The following CNBP variants were observed in gnomAD, a reference collection of about 807,000 sequenced individuals.
CNBP encodes the protein cellular nucleic acid-binding protein.
Under a neutral mutation model 21.2 loss-of-function variants are expected in CNBP, and 6 were observed. The observed-to-expected ratio is 0.28, with a 90% CI of 0.16 to 0.56. The LOEUF (loss-of-function observed/expected upper bound fraction) is 0.56, where lower values mean the gene tolerates loss of function less well. CNBP is among the 20% of genes least tolerant of loss of function. The pLI is 0.93. For missense variants in CNBP, 112 were observed against 233.1 expected, an observed-to-expected ratio of 0.48 and a Z score of 3.38; for synonymous variants, 61 against 74.9, an observed-to-expected ratio of 0.81 and a Z score of 0.96.
At chr3:129,178,790 T>C (rs1045964655) in intron 1 of CNBP, among the ~76,000 whole-genome samples, 1 of 151,746 alleles carries the variant, frequency 6.6e-6, no homozygotes, top group Non-Finnish European at 1.5e-5. Context: ...TCGCCCAGGC[T>C]GGAGTGCAGT....
In CNBP at chr3:129,171,674, T is replaced by C. The variant is rs1317906274; in HGVS notation, c.84A>G (p.Gly28=). 1.9e-6 allele frequency: 3 copies of C among 1,614,042 alleles called. No individual in the cohort carries two copies. The African/African-American group carries it at 4.0e-5, about 22-fold the overall frequency. ...ECPTGGGRGR[G]MRSRGRGGFT... ...AACCACCTCTGCCACGGCTTCTCAT[T>C]CCACGACCACGGCCTCCACCAGTAG... is the stretch of plus-strand genomic sequence containing the variant. Residue 28 remains glycine (G), a synonymous_variant, in exon 2 of 5, where the codon GGA becomes GGG. Coordinates refer to ENST00000422453, the MANE Select transcript of CNBP (RefSeq NM_003418.5).
Position 129,168,197 on chromosome 3 carries a change from G to A in CNBP, c.*2256C>T, listed in dbSNP as rs180737447. On this transcript the variant is annotated 3_prime_UTR_variant, in exon 5 of 5. Transcript: ENST00000422453. ...GCATGGGGAGTGAATAATGGTTGAA[G>A]TTCCAGGCTCTAACTGTACATCCTT... is the stretch of plus-strand genomic sequence containing the variant. 3.3e-4 allele frequency among the ~76,000 whole-genome samples: 50 copies of A among 152,294 alleles called. No homozygotes were observed. Among genetic ancestry groups the A allele is most frequent in the African/African-American group, 1.2e-3 (50 of 41,578 alleles).
chr3:129,179,156 A>C (rs1481032986), intron 1 of CNBP, among the ~76,000 whole-genome samples: 1 of 152,058 alleles, frequency 6.6e-6, no homozygotes, highest in Non-Finnish European at 1.5e-5. Flanking sequence ...CCGTGCCTGT[A>C]GTTCCAAATA....
intron 1 of CNBP, among the ~76,000 whole-genome samples, chr3:129,172,583 G>GACA (rs1937603922): frequency 4.7e-5 from 1 of 21,360 alleles, no homozygotes; most frequent in African/African-American, 1.1e-4. Context: ...CAGACAGGCA[G>GACA]GCAGGCAGGC....
rs533251018 is a variant in CNBP, at chr3:129,179,965, C to T, written c.-15+3811G>A. On this transcript the variant is annotated intron_variant, in intron 1 of 4. Coordinates refer to ENST00000422453, the MANE Select transcript of CNBP (RefSeq NM_003418.5). The stretch of plus-strand genomic sequence containing the variant: ...AGGTTGCAGTGAGCTGAGATCCTGC[C>T]ATTGCACTCCCGCCTGGGCGACAGA... Among the ~76,000 whole-genome samples, 6 of 151,644 alleles carry T rather than the reference C, an allele frequency of 4.0e-5. No individual in the cohort carries two copies. In the East Asian group the frequency reaches 1.2e-3, roughly 29 times the overall value.
chr3:129,180,866 G>A lies in CNBP; in HGVS notation c.-15+2910C>T, dbSNP rs141239935. Among the ~76,000 whole-genome samples, 496 of 151,774 alleles carry A rather than the reference G, an allele frequency of 3.3e-3. 4 individuals carry two copies. Among genetic ancestry groups the A allele is most frequent in the African/African-American group, 0.012 (483 of 41,346 alleles). ...GACAAATCATTCCAATTAGTCCAAT[G>A]GTGGTTTCACTGCTTTTAGGCACCA... On this transcript the variant is annotated intron_variant, in intron 1 of 4. Coordinates refer to ENST00000422453, the MANE Select transcript of CNBP (RefSeq NM_003418.5).
In CNBP at chr3:129,168,483, G is replaced by C. The variant is rs1937504028; in HGVS notation, c.*1970C>G. On this transcript the variant is annotated 3_prime_UTR_variant, in exon 5 of 5. Coordinates refer to ENST00000422453, the MANE Select transcript of CNBP (RefSeq NM_003418.5). Reference sequence around the variant, plus strand: ...GTGGTGGCGGACACCTGTAATCCCAGCTATTTGGGAGGCTGAGGCAGGAGA... The same window carrying C: ...GTGGTGGCGGACACCTGTAATCCCACCTATTTGGGAGGCTGAGGCAGGAGA... Among the ~76,000 whole-genome samples the C allele has an allele frequency of 6.9e-6, 1 of 144,448 alleles. No homozygotes were observed. Among genetic ancestry groups the C allele is most frequent in the African/African-American group, 2.6e-5 (1 of 38,860 alleles). 94.8% of individuals were successfully genotyped at this position (144,448 alleles called of 152,430 possible). A position where few individuals can be genotyped will look rare whatever the true frequency, so the allele number is the denominator to read the frequency against.
intron 1 of CNBP, among the ~76,000 whole-genome samples, chr3:129,183,345 C>T: frequency 6.6e-6 from 1 of 152,324 alleles, no homozygotes; most frequent in East Asian, 1.9e-4. Flanking sequence ...CACCCCATCC[C>T]CCCTTCATCC....
intron 1 of CNBP, 103 bp from the exon 2 acceptor site, chr3:129,171,874 A>G (rs1013481797): frequency 8.8e-5 from 112 of 1,274,018 alleles, no homozygotes; most frequent in Non-Finnish European, 1.0e-4. Context: ...GAAAAAAGCT[A>G]GCTAATATAT....
At chr3:129,181,659 A>AAAAAAAAAAAAAG (rs1419234861) in intron 1 of CNBP, among the ~76,000 whole-genome samples, 2 of 149,452 alleles carry the variant, frequency 1.3e-5, no homozygotes, top group African/African-American at 2.4e-5. Flanking sequence ...CAGAAAAAAA[A>AAAAAAAAAAAAAG]AAAGAAAAAC....
intron 1 of CNBP, among the ~76,000 whole-genome samples, chr3:129,175,710 G>A (rs1329749999): frequency 1.3e-5 from 2 of 152,196 alleles, no homozygotes; most frequent in Non-Finnish European, 2.9e-5. Flanking sequence ...TTACAGGCGT[G>A]AGCCACTGCG....
Position 129,181,655 on chromosome 3 carries a change from A to AAAAAAAAAAAAAAG in CNBP, c.-15+2120_-15+2121insCTTTTTTTTTTTTT, listed in dbSNP as rs1264573788. ...ACAGAGTGAGACTCCGTCTCAGAAA[A>AAAAAAAAAAAAAAG]AAAAAAAGAAAAACCCCTGGTCTTC... On this transcript the variant is annotated intron_variant, in intron 1 of 4. Coordinates refer to ENST00000422453, the MANE Select transcript of CNBP (RefSeq NM_003418.5). Among the ~76,000 whole-genome samples the AAAAAAAAAAAAAAG allele has an allele frequency of 1.5e-4, 21 of 141,832 alleles. 2 individuals carry two copies. The highest frequency in any genetic ancestry group is 5.6e-4 in the African/African-American group (19 of 34,208). 93.0% of individuals were successfully genotyped at this position (141,832 alleles called of 152,430 possible). A position where few individuals can be genotyped will look rare whatever the true frequency, so the allele number is the denominator to read the frequency against.
At chr3:129,174,708 C>T (rs1194582782) in intron 1 of CNBP, among the ~76,000 whole-genome samples, 1 of 150,208 alleles carries the variant, frequency 6.7e-6, no homozygotes, top group African/African-American at 2.4e-5. Flanking sequence ...AAAAAGGCTG[C>T]TTATGGCACC....
chr3:129,172,236 T>C (rs974664745), intron 1 of CNBP, among the ~76,000 whole-genome samples: 1 of 152,046 alleles, frequency 6.6e-6, no homozygotes, highest in African/African-American at 2.4e-5. Context: ...TACACCTTGA[T>C]AAAAGTGATG....
At position 129,172,695 on chromosome 3, in the gene CNBP, G is replaced by GACAC. The variant is rs1553787467; in HGVS notation, c.-14-928_-14-925dup. The stretch of plus-strand genomic sequence containing the variant: ...AGACAGACAGACAGACAGACAGACA[G>GACAC]ACACACACACACACACACACACACA... On this transcript the variant is annotated intron_variant, in intron 1 of 4. Coordinates refer to ENST00000422453, the MANE Select transcript of CNBP (RefSeq NM_003418.5). Among the ~76,000 whole-genome samples the GACAC allele has an allele frequency of 1.4e-4, 11 of 78,874 alleles. 1 individual carries two copies. Among genetic ancestry groups the GACAC allele is most frequent in the Admixed American group, 2.8e-4 (2 of 7,166 alleles). The allele number at this position is 78,874 out of a possible 152,430, so 51.7% of individuals were successfully genotyped here.
chr3:129,169,914 A>T lies in CNBP; in HGVS notation c.*539T>A, dbSNP rs1937538099. 1 of 231,288 alleles carries T rather than the reference A, an allele frequency of 4.3e-6. No individual in the cohort carries two copies. The highest frequency in any genetic ancestry group is 8.6e-6 in the Non-Finnish European group (1 of 116,776). The allele number at this position is 231,288 out of a possible 1,614,324, so 14.3% of individuals were successfully genotyped here. ...TGAAGTTGTTCCTGTTTAGGCTTTTATTCCGATTTCTCTCGAACAGCCATT... is the reference window on the plus strand; with the variant it reads ...TGAAGTTGTTCCTGTTTAGGCTTTTTTTCCGATTTCTCTCGAACAGCCATT... On this transcript the variant is annotated 3_prime_UTR_variant, in exon 5 of 5. Transcript: ENST00000422453.
chr3:129,180,325 C>T (rs1279873050), intron 1 of CNBP, among the ~76,000 whole-genome samples: 1 of 152,164 alleles, frequency 6.6e-6, no homozygotes, highest in African/African-American at 2.4e-5. Flanking sequence ...ATTCACACAG[C>T]TTTCTTGAAT....
Position 129,170,424 on chromosome 3 carries a change from G to C in CNBP, c.*29C>G. ...GAGAAAATAATACAACCATCAATCA[G>C]AAAAAGGAGGGGCGACAAAGGAAAA... On this transcript the variant is annotated 3_prime_UTR_variant, in exon 5 of 5. Transcript: ENST00000422453. The C allele has an allele frequency of 6.4e-7, 1 of 1,571,342 alleles. No individual in the cohort carries two copies. Among genetic ancestry groups the C allele is most frequent in the Non-Finnish European group, 8.8e-7 (1 of 1,141,064 alleles).
intron 1 of CNBP, among the ~76,000 whole-genome samples, chr3:129,181,290 A>G (rs1202049499): frequency 1.3e-5 from 2 of 150,018 alleles, no homozygotes; most frequent in East Asian, 3.9e-4. Context: ...GTCATAAATC[A>G]TGTAACAAAA....
Sources: gnomAD v4.1 joint callset for allele counts (sites outside exome capture counted in the v4.1 genomes callset) on GRCh38, gnomAD v4.1.1 for gene constraint, MANE v1.5 for transcripts, NCBI Gene and HGNC (gene_info 2026-07-23, HGNC 2026-07-21) for gene names.